The following SPIDR variants were observed in gnomAD, a reference collection of about 807,000 sequenced individuals.
SPIDR encodes the protein DNA repair-scaffolding protein.
In SPIDR, 93 loss-of-function variants were observed where a neutral mutation model predicts 104.6. That is an observed-to-expected ratio of 0.89 (90% CI 0.75 to 1.06). SPIDR has a LOEUF of 1.06. Ranked by LOEUF, SPIDR falls within the 50% of genes least tolerant of loss-of-function variation. The pLI is 0.00. For synonymous variants in SPIDR, 431 were observed against 416.9 expected (o/e 1.03, Z -0.41); for missense variants, 1,154 against 1,111.2 (o/e 1.04, Z -0.55).
At position 47,332,980 on chromosome 8, in the gene SPIDR, G is replaced by A. The variant is rs1004454522; in HGVS notation, c.525+38950G>A. Among the ~76,000 whole-genome samples, 3 of 149,428 alleles carry A rather than the reference G, an allele frequency of 2.0e-5. No individual in the cohort carries two copies. The East Asian group carries it at 6.0e-4, about 30-fold the overall frequency. On this transcript the variant is annotated intron_variant, in intron 5 of 19. Transcript: ENST00000297423. ...GTTCACTCTGATGGTAGTTTCTTTTGCTGTGCAGAAGCTCTTTAGTTTAAT... is the reference window on the plus strand; with the variant it reads ...GTTCACTCTGATGGTAGTTTCTTTTACTGTGCAGAAGCTCTTTAGTTTAAT...
chr8:47,645,409 G>A (rs2070149376), intron 10 of SPIDR, among the ~76,000 whole-genome samples: 1 of 152,078 alleles, frequency 6.6e-6, no homozygotes, highest in Non-Finnish European at 1.5e-5. Context: ...GGGTGACTGG[G>A]GGAGGCCAGA....
At chr8:47,703,781 T>C (rs1343406936) in intron 14 of SPIDR, among the ~76,000 whole-genome samples, 1 of 152,190 alleles carries the variant, frequency 6.6e-6, no homozygotes, top group African/African-American at 2.4e-5. Context: ...TGAGCATGGC[T>C]GGAGGACACA....
At chr8:47,485,058 A>G (rs1399422618) in intron 8 of SPIDR, among the ~76,000 whole-genome samples, 4 of 152,206 alleles carry the variant, frequency 2.6e-5, no homozygotes, top group Admixed American at 6.5e-5. Context: ...GCATGGCCTC[A>G]CCCGGGAAGT....
intron 14 of SPIDR, among the ~76,000 whole-genome samples, chr8:47,705,409 A>G (rs991412577): frequency 6.6e-6 from 1 of 152,204 alleles, no homozygotes; most frequent in South Asian, 2.1e-4. Flanking sequence ...AACAGGTTCC[A>G]TGATCCACTG....
At chr8:47,546,279 A>G (rs1376096633) in intron 8 of SPIDR, among the ~76,000 whole-genome samples, 1 of 152,272 alleles carries the variant, frequency 6.6e-6, no homozygotes, top group East Asian at 1.9e-4. Context: ...ATACCAATTT[A>G]CTTAGTAGTC....
chr8:47,433,629 G>T lies in SPIDR; in HGVS notation c.878-6694G>T, dbSNP rs113263033. 6.6e-5 allele frequency among the ~76,000 whole-genome samples: 10 copies of T among 152,308 alleles called. No individual in the cohort carries two copies. In the South Asian group the frequency reaches 1.7e-3, roughly 25 times the overall value. ...TGGCATTTGGAAGGCCTAAATGATC[G>T]TAAGAATTATTACAGTCAAATCATT... On this transcript the variant is annotated intron_variant, in intron 7 of 19. Transcript: ENST00000297423.
intron 5 of SPIDR, among the ~76,000 whole-genome samples, chr8:47,319,671 C>A (rs1397193847): frequency 6.6e-6 from 1 of 152,132 alleles, no homozygotes; most frequent in Non-Finnish European, 1.5e-5. Context: ...CGCACTTATT[C>A]CAAAATTGAC....
intron 10 of SPIDR, among the ~76,000 whole-genome samples, chr8:47,613,101 CA>C (rs2063810589): frequency 6.6e-6 from 1 of 152,182 alleles, no homozygotes; most frequent in Admixed American, 6.5e-5. Context: ...CATTCCAAAA[CA>C]GTTCAGTCAC....
At chr8:47,680,770 T>C (rs2154475244) in intron 11 of SPIDR, among the ~76,000 whole-genome samples, 1 of 152,364 alleles carries the variant, frequency 6.6e-6, no homozygotes, top group African/African-American at 2.4e-5. Flanking sequence ...TTGTTCCTGG[T>C]GACTTCACCG....
chr8:47,464,515 A>G (rs6472450), intron 8 of SPIDR, among the ~76,000 whole-genome samples: 145,203 of 152,190 alleles, frequency 0.95, 69,583 homozygotes, highest in East Asian at 1. Context: ...TGGGAACCCG[A>G]CACAGGGCTA....
intron 14 of SPIDR, among the ~76,000 whole-genome samples, chr8:47,702,731 C>T (rs1296372440): frequency 6.6e-6 from 1 of 152,210 alleles, no homozygotes; most frequent in African/African-American, 2.4e-5. Context: ...AACTCTTGTC[C>T]ACTCATGGGC....
At chr8:47,292,658 G>GT (rs1397221223) in intron 4 of SPIDR, among the ~76,000 whole-genome samples, 2 of 152,136 alleles carry the variant, frequency 1.3e-5, no homozygotes, top group Non-Finnish European at 2.9e-5. Flanking sequence ...AAATTTAAGT[G>GT]TAATAGTAGC....
intron 8 of SPIDR, among the ~76,000 whole-genome samples, chr8:47,463,454 A>G (rs555356854): frequency 6.6e-6 from 1 of 152,252 alleles, no homozygotes. Context: ...TTTAAAGAAG[A>G]ATTAACACCA....
At chr8:47,596,574 A>G (rs2154423781) in intron 9 of SPIDR, among the ~76,000 whole-genome samples, 1 of 152,358 alleles carries the variant, frequency 6.6e-6, no homozygotes, top group Admixed American at 6.5e-5. Flanking sequence ...TCGATGAGTC[A>G]GTGAGTGAGT....
intron 10 of SPIDR, among the ~76,000 whole-genome samples, chr8:47,601,791 G>T (rs970893269): frequency 1.3e-5 from 2 of 152,194 alleles, no homozygotes; most frequent in Non-Finnish European, 2.9e-5. Context: ...CAAGTGTTTT[G>T]CCCTGGGGAG....
At position 47,712,716 on chromosome 8, in the gene SPIDR, G is replaced by C; in HGVS notation, c.2032G>C (p.Val678Leu). ...QREIWLLVTD[V>L]TLQTKEERDP... ...GGAGATCTGGCTGCTAGTGACCGAT[G>C]TCACTCTGCAAACGAAGGAGGAGAG... The change falls in exon 15 of 20, where the codon GTC (valine) becomes CTC (leucine). Residue 678 changes from valine (V) to leucine (L), a missense_variant. Transcript: ENST00000297423. 6.2e-7 allele frequency: 1 copy of C among 1,614,182 alleles called. No homozygotes were observed. Among genetic ancestry groups the C allele is most frequent in the Non-Finnish European group, 8.5e-7 (1 of 1,180,036 alleles).
chr8:47,340,325 C>T (rs1186911988), intron 5 of SPIDR, among the ~76,000 whole-genome samples: 1 of 152,076 alleles, frequency 6.6e-6, no homozygotes, highest in Non-Finnish European at 1.5e-5. Flanking sequence ...CGTGAATAGG[C>T]CAGGTGCAGT....
chr8:47,610,674 C>CA (rs1200155433), intron 10 of SPIDR, among the ~76,000 whole-genome samples: 1 of 152,220 alleles, frequency 6.6e-6, no homozygotes, highest in Non-Finnish European at 1.5e-5. Flanking sequence ...GCTCTTTCTC[C>CA]ACAGGGAACT....
chr8:47,706,805 C>T (rs993805728), intron 14 of SPIDR, among the ~76,000 whole-genome samples: 1 of 152,180 alleles, frequency 6.6e-6, no homozygotes, highest in African/African-American at 2.4e-5. Context: ...TCTCACACTT[C>T]CGGAGGCCAG....
Sources: gnomAD v4.1 joint callset for allele counts (sites outside exome capture counted in the v4.1 genomes callset) on GRCh38, gnomAD v4.1.1 for gene constraint, MANE v1.5 for transcripts, NCBI Gene and HGNC (gene_info 2026-07-23, HGNC 2026-07-21) for gene names.